The following PCDH7 variants were observed in gnomAD, a reference collection of about 807,000 sequenced individuals.
The protein encoded by PCDH7 is protocadherin-7.
In PCDH7, 17 loss-of-function variants were observed where a neutral mutation model predicts 58.9. That is an observed-to-expected ratio of 0.29 (90% confidence interval 0.20 to 0.43). PCDH7 has a LOEUF of 0.43. PCDH7 is among the 20% of genes least tolerant of loss of function. The probability of loss-of-function intolerance (pLI) is 1.00; values close to 1 mark genes in which losing one functional copy is unlikely to be tolerated. For synonymous variants in PCDH7, 664 were observed against 616.4 expected, an observed-to-expected ratio of 1.08 and a Z score of -1.14; for missense variants, 1,274 against 1,441.0, an observed-to-expected ratio of 0.88 and a Z score of 1.88.
chr4:30,739,294 A>G (rs1716761917), intron 1 of PCDH7, among the ~76,000 whole-genome samples: 1 of 151,304 alleles, frequency 6.6e-6, no homozygotes, highest in Non-Finnish European at 1.5e-5. Context: ...TAGGCAACAA[A>G]ATGTAACAGC....
chr4:31,133,627 G>T (rs181754692), intron 3 of PCDH7, among the ~76,000 whole-genome samples: 2 of 152,210 alleles, frequency 1.3e-5, no homozygotes, highest in East Asian at 1.9e-4. Flanking sequence ...CTCTAACTCC[G>T]CATGGGTAAA....
intron 2 of PCDH7, among the ~76,000 whole-genome samples, chr4:30,943,069 A>G (rs1275206076): frequency 1.3e-5 from 2 of 152,066 alleles, no homozygotes; most frequent in African/African-American, 2.4e-5. Flanking sequence ...AAACCTGCAT[A>G]AGAAATAATT....
intron 3 of PCDH7, among the ~76,000 whole-genome samples, chr4:31,053,387 A>C (rs1379594973): frequency 6.6e-6 from 1 of 151,994 alleles, no homozygotes; most frequent in East Asian, 1.9e-4. Context: ...TCTTCAACTT[A>C]TGATACATCA....
chr4:30,769,868 A>G (rs78297029), intron 1 of PCDH7, among the ~76,000 whole-genome samples: 1 of 152,306 alleles, frequency 6.6e-6, no homozygotes, highest in East Asian at 1.9e-4. Context: ...AAAGTCAGGG[A>G]TGGATTACAA....
intron 1 of PCDH7, among the ~76,000 whole-genome samples, chr4:30,776,787 C>T (rs930995529): frequency 6.6e-6 from 1 of 151,906 alleles, no homozygotes. Context: ...ACAGGCTTAA[C>T]ACCATTTGAG....
chr4:31,121,878 T>G (rs1717733501), intron 3 of PCDH7, among the ~76,000 whole-genome samples: 1 of 152,142 alleles, frequency 6.6e-6, no homozygotes. Flanking sequence ...GTAGCAGATT[T>G]TATTATATCT....
At position 31,114,632 on chromosome 4, in the gene PCDH7, AACACACAC is replaced by A. The variant is rs34203962; in HGVS notation, c.*8-27812_*8-27805del. Among the ~76,000 whole-genome samples the A allele has an allele frequency of 7.5e-3, 1,080 of 143,674 alleles. 11 individuals are homozygous for A. Among genetic ancestry groups the A allele is most frequent in the African/African-American group, 0.026 (993 of 38,504 alleles). 94.3% of individuals were successfully genotyped at this position (143,674 alleles called of 152,430 possible). The stretch of plus-strand genomic sequence containing the variant: ...CACCATGCACACACTCACACATACA[AACACACAC>A]ACACACACACACACACACACACACA... On this transcript the variant is annotated intron_variant, in intron 3 of 3. Transcript: ENST00000509759.
intron 1 of PCDH7, among the ~76,000 whole-genome samples, chr4:30,870,765 T>A (rs1034230456): frequency 2.0e-5 from 3 of 152,132 alleles, no homozygotes; most frequent in Admixed American, 2.0e-4. Flanking sequence ...ACTCATTTAT[T>A]CTCACCTCTT....
intron 3 of PCDH7, among the ~76,000 whole-genome samples, chr4:31,043,158 TAG>T: frequency 6.6e-6 from 1 of 152,132 alleles, no homozygotes; most frequent in Non-Finnish European, 1.5e-5. Flanking sequence ...ACTGTTACCC[TAG>T]GGATTAAGTT....
exon 2 of PCDH7, chr4:30,731,775 A>C (rs1715536474): frequency 6.6e-6 from 1 of 152,176 alleles, no homozygotes; most frequent in Non-Finnish European, 1.5e-5. Context: ...TATTATAGGT[A>C]GGTCAGGGAG....
At chr4:30,743,390 AAAAATC>A (rs142619351) in intron 1 of PCDH7, among the ~76,000 whole-genome samples, 71 of 152,184 alleles carry the variant, frequency 4.7e-4, no homozygotes, top group Non-Finnish European at 8.7e-4. Flanking sequence ...ACAAAAGGAA[AAAAATC>A]AAGGATTTTG....
At chr4:30,871,505 G>A (rs1427256478) in intron 1 of PCDH7, among the ~76,000 whole-genome samples, 4 of 152,026 alleles carry the variant, frequency 2.6e-5, no homozygotes, top group Non-Finnish European at 5.9e-5. Flanking sequence ...GCCAATGGGG[G>A]CAGGGAAAAG....
chr4:31,088,022 A>G (rs887782434), intron 3 of PCDH7, among the ~76,000 whole-genome samples: 1 of 152,022 alleles, frequency 6.6e-6, no homozygotes, highest in Non-Finnish European at 1.5e-5. Context: ...AAACTAAGGC[A>G]GGTATTTTAG....
At chr4:31,088,143 C>A (rs1712719035) in intron 3 of PCDH7, among the ~76,000 whole-genome samples, 1 of 151,938 alleles carries the variant, frequency 6.6e-6, no homozygotes, top group Non-Finnish European at 1.5e-5. Context: ...AGCCATGGTA[C>A]CTTTTGAATG....
intron 3 of PCDH7, among the ~76,000 whole-genome samples, chr4:31,093,037 C>T (rs1171079115): frequency 3.3e-5 from 5 of 152,032 alleles, no homozygotes; most frequent in Non-Finnish European, 5.9e-5. Flanking sequence ...TAAGAGTGTG[C>T]GTCTGCATCT....
chr4:30,729,626 A>G (rs557494358), intron 1 of PCDH7, among the ~76,000 whole-genome samples: 1 of 152,194 alleles, frequency 6.6e-6, no homozygotes, highest in East Asian at 1.9e-4. Flanking sequence ...AAGAATTAAA[A>G]CATTCTACAC....
intron 3 of PCDH7, among the ~76,000 whole-genome samples, chr4:31,053,433 G>A (rs928696226): frequency 1.3e-5 from 2 of 151,726 alleles, no homozygotes; most frequent in African/African-American, 2.4e-5. Context: ...GATTCTTTAC[G>A]TCCATCAAAA....
At chr4:31,000,992 G>T (rs1752322719) in intron 3 of PCDH7, among the ~76,000 whole-genome samples, 1 of 143,154 alleles carries the variant, frequency 7.0e-6, no homozygotes. Context: ...TAATTAAACG[G>T]GGAAACTAGG....
intron 1 of PCDH7, among the ~76,000 whole-genome samples, chr4:30,874,614 A>G (rs906702794): frequency 1.3e-5 from 2 of 151,924 alleles, no homozygotes; most frequent in African/African-American, 4.8e-5. Context: ...TGGCTGCAGC[A>G]CACCAGCATG....
Sources: gnomAD v4.1 joint callset for allele counts (sites outside exome capture counted in the v4.1 genomes callset) on GRCh38, gnomAD v4.1.1 for gene constraint, MANE v1.5 for transcripts, NCBI Gene and HGNC (gene_info 2026-07-23, HGNC 2026-07-21) for gene names.